Variants in DOCK4 observed in about 807,000 individuals in gnomAD.
The protein encoded by DOCK4 is dedicator of cytokinesis 4.
Under a neutral mutation model 268.1 loss-of-function variants are expected in DOCK4, and 97 were observed. The observed-to-expected ratio is 0.36, with a 90% CI of 0.31 to 0.43. The LOEUF (loss-of-function observed/expected upper bound fraction) is 0.43, where lower values mean the gene tolerates loss of function less well. Ranked by LOEUF, DOCK4 falls within the 20% of genes least tolerant of loss-of-function variation. The pLI is 1.00. For synonymous variants in DOCK4, 954 were observed against 887.2 expected (o/e 1.08, Z -1.34); for missense variants, 2,145 against 2,455.7 (o/e 0.87, Z 2.67).
At chr7:112,119,692 C>T (rs1812544625) in intron 1 of DOCK4, among the ~76,000 whole-genome samples, 1 of 152,120 alleles carries the variant, frequency 6.6e-6, no homozygotes, top group South Asian at 2.1e-4. Context: ...CCTTCTGTGG[C>T]CTTGGGGAAC....
chr7:112,053,620 C>A (rs550420279), intron 1 of DOCK4, among the ~76,000 whole-genome samples: 2 of 152,194 alleles, frequency 1.3e-5, no homozygotes, highest in Admixed American at 6.5e-5. Flanking sequence ...TGACAATACT[C>A]AACTTATAAA....
intron 1 of DOCK4, among the ~76,000 whole-genome samples, chr7:112,119,443 T>G (rs1812506158): frequency 6.6e-6 from 1 of 152,156 alleles, no homozygotes; most frequent in Non-Finnish European, 1.5e-5. Context: ...CAACACCATC[T>G]CAGGATGGCT....
intron 26 of DOCK4, among the ~76,000 whole-genome samples, chr7:111,824,559 G>C (rs749342631): frequency 6.6e-6 from 1 of 152,074 alleles, no homozygotes; most frequent in African/African-American, 2.4e-5. Context: ...TAGTGGTAGT[G>C]GTGGTGTGTA....
intron 1 of DOCK4, among the ~76,000 whole-genome samples, chr7:112,061,542 A>G (rs555477902): frequency 1.5e-4 from 23 of 152,042 alleles, no homozygotes; most frequent in Admixed American, 1.2e-3. Context: ...CTAACACTCC[A>G]TCCTTACATT....
chr7:112,128,476 G>A (rs537440750), intron 1 of DOCK4, among the ~76,000 whole-genome samples: 4 of 152,326 alleles, frequency 2.6e-5, no homozygotes, highest in South Asian at 4.1e-4. Flanking sequence ...GGAATAGAAA[G>A]GGGGGAAAGG....
intron 1 of DOCK4, 148 bp downstream of exon 1, chr7:112,205,954 C>A: frequency 1.2e-6 from 1 of 863,006 alleles, no homozygotes; most frequent in South Asian, 1.6e-5. Context: ...CTGCCTGGAG[C>A]TGGCTCGGCA....
chr7:112,121,667 T>C (rs1305435469), intron 1 of DOCK4, among the ~76,000 whole-genome samples: 1 of 152,212 alleles, frequency 6.6e-6, no homozygotes, highest in Non-Finnish European at 1.5e-5. Flanking sequence ...TTTTAAAAAT[T>C]AGATTTCATT....
chr7:112,108,983 G>A (rs1811386786), intron 1 of DOCK4, among the ~76,000 whole-genome samples: 1 of 152,064 alleles, frequency 6.6e-6, no homozygotes, highest in Non-Finnish European at 1.5e-5. Flanking sequence ...TACTGGGGGA[G>A]GAGGAGAGCA....
chr7:111,882,962 C>T (rs1034750931), intron 16 of DOCK4, among the ~76,000 whole-genome samples: 1 of 152,064 alleles, frequency 6.6e-6, no homozygotes, highest in African/African-American at 2.4e-5. Flanking sequence ...TTTAGAGAAA[C>T]AGAATCAGAA....
Position 111,728,473 on chromosome 7 carries a change from G to T in DOCK4, c.5729C>A (p.Pro1910His), listed in dbSNP as rs779891958. The T allele has an allele frequency of 3.7e-6, 6 of 1,611,966 alleles. No homozygotes were observed. In the South Asian group the frequency reaches 5.5e-5, roughly 15 times the overall value. Reference sequence around the variant, plus strand: ...AGTCCGCTCGTAGACGCTGTACGGGGGCGGAGTCTTGCTCTCCTTGCGCAC... The same window carrying T: ...AGTCCGCTCGTAGACGCTGTACGGGTGCGGAGTCTTGCTCTCCTTGCGCAC... ...EPVRKESKTP[P>H]PYSVYERTLR... Residue 1910 changes from proline to histidine, a missense_variant, in exon 53 of 53, where the codon CCC (proline) becomes CAC (histidine). Coordinates refer to ENST00000428084, the MANE Select transcript of DOCK4 (RefSeq NM_001363540.2).
At chr7:112,166,016 C>T (rs1817585383) in intron 1 of DOCK4, among the ~76,000 whole-genome samples, 3 of 152,090 alleles carry the variant, frequency 2.0e-5, no homozygotes, top group African/African-American at 7.2e-5. Context: ...GGCCATCATC[C>T]CCAACCATTT....
At chr7:112,203,578 A>C (rs911771223) in intron 1 of DOCK4, among the ~76,000 whole-genome samples, 2 of 152,196 alleles carry the variant, frequency 1.3e-5, no homozygotes, top group Admixed American at 1.3e-4. Flanking sequence ...CTAAAACGTC[A>C]CATATTCTGT....
intron 1 of DOCK4, among the ~76,000 whole-genome samples, chr7:112,142,348 A>G (rs1421338520): frequency 6.6e-6 from 1 of 152,160 alleles, no homozygotes; most frequent in Non-Finnish European, 1.5e-5. Context: ...TAGGCTTGTA[A>G]GGCAGTCATG....
intron 1 of DOCK4, 63 bp from the exon 2 acceptor site, chr7:112,004,194 T>C (rs1800670315): frequency 7.9e-7 from 1 of 1,264,852 alleles, no homozygotes; most frequent in African/African-American, 1.5e-5. Flanking sequence ...TTATTACATG[T>C]TATTGACTAG....
chr7:112,075,857 TAC>T (rs1808020630), intron 1 of DOCK4, among the ~76,000 whole-genome samples: 1 of 152,132 alleles, frequency 6.6e-6, no homozygotes, highest in Non-Finnish European at 1.5e-5. Context: ...GTTGACATAA[TAC>T]AGTGACTTCT....
chr7:111,902,279 G>T (rs961254096), intron 13 of DOCK4, among the ~76,000 whole-genome samples: 1 of 152,290 alleles, frequency 6.6e-6, no homozygotes, highest in Non-Finnish European at 1.5e-5. Flanking sequence ...TGGACAAAAT[G>T]ATCTCACTGC....
At chr7:112,096,849 G>A (rs1218825919) in intron 1 of DOCK4, among the ~76,000 whole-genome samples, 1 of 152,172 alleles carries the variant, frequency 6.6e-6, no homozygotes, top group African/African-American at 2.4e-5. Flanking sequence ...TCTGACAGTG[G>A]GTTACAGGAC....
intron 39 of DOCK4, among the ~76,000 whole-genome samples, chr7:111,762,551 C>T (rs1797475785): frequency 6.6e-6 from 1 of 151,898 alleles, no homozygotes; most frequent in South Asian, 2.1e-4. Context: ...TGCTGAGTAT[C>T]ATTGCATAGA....
At chr7:111,958,625 G>A (rs1486129953) in intron 8 of DOCK4, among the ~76,000 whole-genome samples, 1 of 152,182 alleles carries the variant, frequency 6.6e-6, no homozygotes, top group East Asian at 1.9e-4. Context: ...ACAGCTTAGA[G>A]TGAAAGGGAA....
Sources: gnomAD v4.1 joint callset for allele counts (sites outside exome capture counted in the v4.1 genomes callset) on GRCh38, gnomAD v4.1.1 for gene constraint, MANE v1.5 for transcripts, NCBI Gene and HGNC (gene_info 2026-07-23, HGNC 2026-07-21) for gene names.